ZFC3H1: variants seen among roughly 807,000 people sequenced by gnomAD.
The protein encoded by ZFC3H1 is zinc finger C3H1-type containing.
Under a neutral mutation model 243.7 loss-of-function variants are expected in ZFC3H1, and 71 were observed. The observed-to-expected ratio is 0.29, with a 90% CI of 0.24 to 0.36. The LOEUF (loss-of-function observed/expected upper bound fraction) is 0.36, where lower values mean the gene tolerates loss of function less well. Ranked by LOEUF, ZFC3H1 falls within the 10% of genes least tolerant of loss-of-function variation. The pLI is 1.00. For missense variants in ZFC3H1, 1,966 were observed against 2,317.1 expected, an observed-to-expected ratio of 0.85 and a Z score of 3.11; for synonymous variants, 838 against 813.0, an observed-to-expected ratio of 1.03 and a Z score of -0.52.
chr12:71,628,080 C>A, intron 20 of ZFC3H1, 146 bp from the exon 21 acceptor site: 1 of 785,866 alleles, frequency 1.3e-6, no homozygotes, highest in Non-Finnish European at 2.0e-6. Context: ...TAAGGTAGAG[C>A]TATGACATAA....
Position 71,663,664 on chromosome 12 carries a change from G to T in ZFC3H1, c.-54C>A. 1.3e-6 allele frequency: 2 copies of T among 1,556,828 alleles called. No individual in the cohort carries two copies. The highest frequency in any genetic ancestry group is 1.7e-5 in the Admixed American group (1 of 57,282). Reference sequence around the variant, plus strand: ...TAGCCCTCCGTCCGGGGATCCGCCCGACAATTGCCTCGTTTCCCTTCTTTC... The same window carrying T: ...TAGCCCTCCGTCCGGGGATCCGCCCTACAATTGCCTCGTTTCCCTTCTTTC... On this transcript the variant is annotated 5_prime_UTR_variant, in exon 1 of 35. Coordinates refer to ENST00000378743, the MANE Select transcript of ZFC3H1 (RefSeq NM_144982.5).
Position 71,642,467 on chromosome 12 carries a change from A to G in ZFC3H1, c.1596T>C (p.Ala532=). ...AACTGGTTTCACTATCTGTATCCAT[A>G]GCAACTTCTTCATAGTTATCATACT... ...IYQYDNYEEV[A]MDTDSETSSP... Residue 532 remains alanine, a synonymous_variant, in exon 6 of 35, where the codon GCT becomes GCC. Coordinates refer to ENST00000378743, the MANE Select transcript of ZFC3H1 (RefSeq NM_144982.5). 2 of 1,613,266 alleles carry G rather than the reference A, an allele frequency of 1.2e-6. No individual in the cohort carries two copies. The highest frequency in any genetic ancestry group is 2.7e-5 in the African/African-American group (2 of 75,058).
intron 24 of ZFC3H1, among the ~76,000 whole-genome samples, chr12:71,620,893 T>G (rs757993108): frequency 3.9e-5 from 6 of 152,184 alleles, no homozygotes; most frequent in Non-Finnish European, 7.3e-5. Context: ...GCTTCCCAGA[T>G]CTGTGGAGTT....
intron 6 of ZFC3H1, among the ~76,000 whole-genome samples, chr12:71,641,122 T>C (rs1592596712): frequency 6.6e-6 from 1 of 152,142 alleles, no homozygotes; most frequent in Non-Finnish European, 1.5e-5. Context: ...CACAAAATCA[T>C]TTAAAAAGCA....
chr12:71,656,822 A>G, intron 2 of ZFC3H1, 63 bp downstream of exon 2: 1 of 1,481,776 alleles, frequency 6.7e-7, no homozygotes, highest in East Asian at 2.3e-5. Flanking sequence ...CACTGCCAAA[A>G]CAAGTAGTTA....
intron 3 of ZFC3H1, among the ~76,000 whole-genome samples, chr12:71,645,532 C>G (rs1375407330): frequency 6.6e-6 from 1 of 152,174 alleles, no homozygotes; most frequent in East Asian, 1.9e-4. Flanking sequence ...AACAGACACA[C>G]TGAATGTCAA....
At chr12:71,641,488 G>A (rs941140468) in intron 6 of ZFC3H1, among the ~76,000 whole-genome samples, 5 of 152,246 alleles carry the variant, frequency 3.3e-5, no homozygotes, top group East Asian at 3.9e-4. Context: ...TGCCAACTGC[G>A]TTCTGTTATC....
intron 16 of ZFC3H1, 117 bp downstream of exon 16, chr12:71,631,652 GGGTAAGTCT>G: frequency 1.3e-6 from 1 of 789,076 alleles, no homozygotes. Flanking sequence ...TTCCTTAAAA[GGGTAAGTCT>G]GGTTATCAAT....
intron 1 of ZFC3H1, among the ~76,000 whole-genome samples, chr12:71,657,988 CA>C (rs1168752786): frequency 1.4e-5 from 2 of 138,252 alleles, no homozygotes; most frequent in Admixed American, 7.4e-5. Context: ...GACCTCATCT[CA>C]AAAAAAAGAA....
chr12:71,614,017 A>C (rs920430805), intron 30 of ZFC3H1, among the ~76,000 whole-genome samples: 1 of 152,154 alleles, frequency 6.6e-6, no homozygotes, highest in East Asian at 1.9e-4. Context: ...TCACAAAACT[A>C]TATCATTAAT....
At chr12:71,662,843 GC>G in intron 1 of ZFC3H1, 169 bp downstream of exon 1, 1 of 735,334 alleles carries the variant, frequency 1.4e-6, no homozygotes, top group Non-Finnish European at 2.3e-6. Context: ...TAAGAATAAC[GC>G]TATAGTGTGA....
Position 71,609,894 on chromosome 12 carries a change from A to C in ZFC3H1, c.*534T>G, listed in dbSNP as rs1879725907. ...TAGAGCATTCAAGTGCAACTAGCAG[A>C]CTTGTGGCCATGGCAGTTACACTTT... On this transcript the variant is annotated 3_prime_UTR_variant, in exon 35 of 35. Transcript: ENST00000378743. 1 of 152,800 alleles carries C rather than the reference A, an allele frequency of 6.5e-6. No individual in the cohort carries two copies. The highest frequency in any genetic ancestry group is 3.4e-3 in the Middle Eastern group (1 of 294). 9.5% of individuals were successfully genotyped at this position (152,800 alleles called of 1,614,324 possible).
chr12:71,649,382 A>T (rs1338344696), intron 2 of ZFC3H1, among the ~76,000 whole-genome samples: 1 of 152,222 alleles, frequency 6.6e-6, no homozygotes, highest in Non-Finnish European at 1.5e-5. Flanking sequence ...ATAAGTAGCA[A>T]ATATTCCACT....
intron 22 of ZFC3H1, among the ~76,000 whole-genome samples, chr12:71,625,432 C>G (rs915942834): frequency 2.0e-5 from 3 of 152,204 alleles, no homozygotes; most frequent in South Asian, 2.1e-4. Flanking sequence ...TGGCTCACAT[C>G]TATAGTCCCA....
At position 71,624,312 on chromosome 12, in the gene ZFC3H1, A is replaced by C; in HGVS notation, c.4318-20T>G. 1 of 1,563,678 alleles carries C rather than the reference A, an allele frequency of 6.4e-7. No homozygotes were observed. The highest frequency in any genetic ancestry group is 8.7e-7 in the Non-Finnish European group (1 of 1,155,452). On this transcript the variant is annotated intron_variant, in intron 22 of 34. Transcript: ENST00000378743. ...TAGAAACTGCCCAAAGGGCCTTTATATTATTAATGTTGCCTTTCAGGAATA... is the reference window on the plus strand; with the variant it reads ...TAGAAACTGCCCAAAGGGCCTTTATCTTATTAATGTTGCCTTTCAGGAATA...
intron 2 of ZFC3H1, 28 bp downstream of exon 2, chr12:71,656,857 T>TA: frequency 1.3e-6 from 2 of 1,576,924 alleles, no homozygotes; most frequent in Non-Finnish European, 1.7e-6. Flanking sequence ...GAAGAGTCAT[T>TA]ACTAACTGAA....
In ZFC3H1 at chr12:71,647,824, AAAT is replaced by A; in HGVS notation, c.1016-14_1016-12del. Reference sequence around the variant, plus strand: ...CTTTATCTTGTAATCCTTTAAAATAAAATAATATCTTTTGAATAATCCAAAAGA... The same window carrying A: ...CTTTATCTTGTAATCCTTTAAAATAAAATATCTTTTGAATAATCCAAAAGA... On this transcript the variant is annotated splice_polypyrimidine_tract_variant and intron_variant, in intron 2 of 34. Coordinates refer to ENST00000378743, the MANE Select transcript of ZFC3H1 (RefSeq NM_144982.5). 1.8e-6 allele frequency: 2 copies of A among 1,115,558 alleles called. No individual in the cohort carries two copies. The highest frequency in any genetic ancestry group is 2.6e-6 in the Non-Finnish European group (2 of 774,356). 69.1% of individuals were successfully genotyped at this position (1,115,558 alleles called of 1,614,324 possible). A position where few individuals can be genotyped will look rare whatever the true frequency, so the allele number is the denominator to read the frequency against.
chr12:71,638,457 T>C lies in ZFC3H1; in HGVS notation c.1686A>G (p.Pro562=), dbSNP rs1414109748. The change falls in exon 7 of 35, where the codon CCA becomes CCG. Residue 562 remains proline (P), a synonymous_variant. Coordinates refer to ENST00000378743, the MANE Select transcript of ZFC3H1 (RefSeq NM_144982.5). ...FSECSLGYFS[P]APSLSLPPPP... ...GTGGAGGCAAAGAAAGAGATGGTGC[T>C]GGAGAAAAATACCCCAATGAACATT... 2.5e-6 allele frequency: 4 copies of C among 1,613,180 alleles called. No homozygotes were observed. The highest frequency in any genetic ancestry group is 2.2e-5 in the South Asian group (2 of 90,872).
rs1160486705 is a variant in ZFC3H1 at position 71,629,587 on chromosome 12, ACACACT to A, written c.3826+16_3826+21del. ...CACACACACACACACACACACACAC[ACACACT>A]TATATATGTACTTACTATGACCTTT... On this transcript the variant is annotated intron_variant, in intron 19 of 34. Transcript: ENST00000378743. The A allele has an allele frequency of 6.8e-7, 1 of 1,480,668 alleles. No homozygotes were observed. 91.7% of individuals were successfully genotyped at this position (1,480,668 alleles called of 1,614,324 possible).
Sources: gnomAD v4.1 joint callset for allele counts (sites outside exome capture counted in the v4.1 genomes callset) on GRCh38, gnomAD v4.1.1 for gene constraint, MANE v1.5 for transcripts, NCBI Gene and HGNC (gene_info 2026-07-23, HGNC 2026-07-21) for gene names.